SORCS1: variants seen among roughly 807,000 people sequenced by gnomAD.
SORCS1 encodes the protein sortilin related VPS10 domain containing receptor 1, also known as VPS10 domain-containing receptor SorCS1.
Under a neutral mutation model 146.1 loss-of-function variants are expected in SORCS1, and 60 were observed. The ratio of observed to expected loss-of-function variants is 0.41; its 90% CI spans 0.33 to 0.51. The LOEUF (loss-of-function observed/expected upper bound fraction) is 0.51, where lower values mean the gene tolerates loss of function less well. Among genes scored for constraint, SORCS1 ranks in the 20% least tolerant of loss-of-function variants. SORCS1 has a pLI of 0.21. For synonymous variants in SORCS1, 637 were observed against 584.0 expected (o/e 1.09, Z -1.31); for missense variants, 1,352 against 1,487.6 (o/e 0.91, Z 1.50).
At chr10:106,675,391 A>C (rs1851950600) in intron 13 of SORCS1, among the ~76,000 whole-genome samples, 1 of 152,214 alleles carries the variant, frequency 6.6e-6, no homozygotes, top group South Asian at 2.1e-4. Context: ...AGCTACATTA[A>C]ATGAGAATAA....
At chr10:106,629,939 G>C (rs181438845) in intron 18 of SORCS1, among the ~76,000 whole-genome samples, 31 of 152,310 alleles carry the variant, frequency 2.0e-4, no homozygotes, top group African/African-American at 5.5e-4. Context: ...AGCTACTCGG[G>C]GGGGCTGAGG....
chr10:107,136,862 G>A (rs891095250), intron 1 of SORCS1, among the ~76,000 whole-genome samples: 31 of 152,120 alleles, frequency 2.0e-4, no homozygotes, highest in African/African-American at 5.8e-4. Flanking sequence ...ACTCCCCTCC[G>A]TCCCCTGCTT....
rs1014609702 is a variant in SORCS1 at position 107,163,484 on chromosome 10, G to T, written c.558+485C>A. 4.6e-5 allele frequency among the ~76,000 whole-genome samples: 7 copies of T among 152,306 alleles called. No homozygotes were observed. In the South Asian group the frequency reaches 6.2e-4, roughly 14 times the overall value. On this transcript the variant is annotated intron_variant, in intron 1 of 25. Transcript: ENST00000263054. ...TGCAGTTCTCCCTTGTGGAGAAGAAGGGGTTAGGAGCTCCGCATGAAATTA... is the reference window on the plus strand; with the variant it reads ...TGCAGTTCTCCCTTGTGGAGAAGAATGGGTTAGGAGCTCCGCATGAAATTA...
Position 107,164,132 on chromosome 10 carries a change from A to T in SORCS1, c.395T>A (p.Leu132Gln). The T allele has an allele frequency of 6.2e-7, 1 of 1,613,346 alleles. No individual in the cohort carries two copies. Among genetic ancestry groups the T allele is most frequent in the Non-Finnish European group, 8.5e-7 (1 of 1,179,942 alleles). ...EGASRSPRGVLRDGGQQEPGT... is the reference protein window; with the variant it reads ...EGASRSPRGVQRDGGQQEPGT... Reference sequence around the variant, plus strand: ...AGGCTCCTGCTGCCCTCCATCTCTTAGCACTCCCCGGGGGCTCCGACTCGC... The same window carrying T: ...AGGCTCCTGCTGCCCTCCATCTCTTTGCACTCCCCGGGGGCTCCGACTCGC... The change falls in exon 1 of 26, where the codon CTA (leucine) becomes CAA (glutamine). Residue 132 changes from leucine (L) to glutamine (Q), a missense_variant. Around this residue, in one of 3 missense-constraint regions of SORCS1, gnomAD observed 490 missense variants for 489.1 expected, o/e 1.00. Transcript: ENST00000263054. The surrounding 1 kb of genome is among the most constrained non-coding windows in gnomAD (Gnocchi z 6.8).
At chr10:107,024,173 C>CAA (rs60404386) in intron 1 of SORCS1, among the ~76,000 whole-genome samples, 9 of 94,468 alleles carry the variant, frequency 9.5e-5, no homozygotes, top group Non-Finnish European at 1.8e-4. Context: ...GATTCCATCT[C>CAA]AAAAAAAAAA....
At chr10:106,772,923 T>G (rs945599) in intron 4 of SORCS1, among the ~76,000 whole-genome samples, 3,605 of 152,030 alleles carry the variant, frequency 0.024, 92 homozygotes, top group East Asian at 0.11. Flanking sequence ...AAAAGTCACA[T>G]GCACTGAAGG....
intron 5 of SORCS1, among the ~76,000 whole-genome samples, chr10:106,754,986 C>G (rs1051990521): frequency 2.0e-5 from 3 of 152,162 alleles, no homozygotes; most frequent in Non-Finnish European, 2.9e-5. Flanking sequence ...ATTGCATTGT[C>G]TTTTGCATAA....
intron 1 of SORCS1, among the ~76,000 whole-genome samples, chr10:107,066,352 A>G (rs568328025): frequency 5.0e-4 from 76 of 152,306 alleles, no homozygotes; most frequent in Non-Finnish European, 8.7e-4. Flanking sequence ...GTGAGTTGCT[A>G]CCATGTTCAT....
At chr10:106,584,425 G>A (rs1339843189) in intron 24 of SORCS1, among the ~76,000 whole-genome samples, 1 of 152,152 alleles carries the variant, frequency 6.6e-6, no homozygotes. Flanking sequence ...GGCGTCCTGG[G>A]TTCCTATGTA....
chr10:106,918,867 C>A (rs1589703543), intron 2 of SORCS1, among the ~76,000 whole-genome samples: 2 of 151,780 alleles, frequency 1.3e-5, no homozygotes, highest in East Asian at 1.9e-4. Flanking sequence ...GGGACAGTAT[C>A]ATTCTGTTGC....
intron 1 of SORCS1, among the ~76,000 whole-genome samples, chr10:107,097,950 G>A (rs1440343099): frequency 6.6e-6 from 1 of 152,136 alleles, no homozygotes; most frequent in African/African-American, 2.4e-5. Flanking sequence ...GGAAAAAAAT[G>A]CCCATTTTAT....
intron 1 of SORCS1, among the ~76,000 whole-genome samples, chr10:107,152,600 G>GT (rs995546112): frequency 3.3e-5 from 5 of 152,142 alleles, no homozygotes; most frequent in African/African-American, 1.2e-4. Context: ...GGATCTGATG[G>GT]TTTTATAAGG....
chr10:107,179,332 G>A, the SORCS1 span, among the ~76,000 whole-genome samples: 1 of 152,166 alleles, frequency 6.6e-6, no homozygotes, highest in Admixed American at 6.5e-5. Context: ...TAATTAGCCT[G>A]ATGTAATCAT....
At chr10:106,805,282 A>T (rs2136692873) in intron 3 of SORCS1, among the ~76,000 whole-genome samples, 1 of 152,156 alleles carries the variant, frequency 6.6e-6, no homozygotes, top group African/African-American at 2.4e-5. Flanking sequence ...ATCCTACGAA[A>T]CTAACCAGGG....
intron 1 of SORCS1, among the ~76,000 whole-genome samples, chr10:107,042,824 G>T (rs958062578): frequency 3.3e-5 from 5 of 152,024 alleles, no homozygotes; most frequent in African/African-American, 1.2e-4. Flanking sequence ...TGGCCAGACT[G>T]GTCTGGAACC....
rs1361777419 is a variant in SORCS1, at chr10:107,128,043, G to C, written c.558+35926C>G. Reference sequence around the variant, plus strand: ...TATGAAAGGGACTGGAACTCAGGAGGATCTCAACACATTATTTTATTTTCC... The same window carrying C: ...TATGAAAGGGACTGGAACTCAGGAGCATCTCAACACATTATTTTATTTTCC... On this transcript the variant is annotated intron_variant, in intron 1 of 25. Coordinates refer to ENST00000263054, the MANE Select transcript of SORCS1 (RefSeq NM_052918.5). Among the ~76,000 whole-genome samples the C allele has an allele frequency of 2.0e-5, 3 of 152,106 alleles. No individual in the cohort carries two copies. The East Asian group carries it at 5.8e-4, about 29-fold the overall frequency.
rs142560560 is a variant in SORCS1 at position 107,069,350 on chromosome 10, C to T, written c.558+94619G>A. Among the ~76,000 whole-genome samples, 617 of 152,116 alleles carry T rather than the reference C, an allele frequency of 4.1e-3. 5 individuals are homozygous for T. The highest frequency in any genetic ancestry group is 0.013 in the South Asian group (64 of 4,820). On this transcript the variant is annotated intron_variant, in intron 1 of 25. Transcript: ENST00000263054. ...CAGACTACATTTTAAAAATCACATG[C>T]CTATTTTCTTTTCTTTTCCTTTTTT...
At chr10:106,889,841 C>T (rs1003344623) in intron 2 of SORCS1, among the ~76,000 whole-genome samples, 11 of 140,134 alleles carry the variant, frequency 7.8e-5, no homozygotes, top group African/African-American at 2.4e-4. Context: ...GCCGAGATCG[C>T]GCCACTGTAC....
chr10:106,855,104 C>G (rs556117131), intron 2 of SORCS1, among the ~76,000 whole-genome samples: 1 of 152,234 alleles, frequency 6.6e-6, no homozygotes, highest in South Asian at 2.1e-4. Flanking sequence ...AAGTCTTTAT[C>G]TCTCCTTCAC....
Sources: gnomAD v4.1 joint callset for allele counts (sites outside exome capture counted in the v4.1 genomes callset) on GRCh38, gnomAD v4.1.1 for gene constraint, gnomAD v4.1.1 regional missense constraint, Gnocchi (gnomAD v3.1) non-coding constraint, MANE v1.5 for transcripts, NCBI Gene and HGNC (gene_info 2026-07-23, HGNC 2026-07-21) for gene names.